ROBO2: variants seen among roughly 807,000 people sequenced by gnomAD.
The protein encoded by ROBO2 is roundabout guidance receptor 2, also known as roundabout homolog 2.
Under a neutral mutation model 160.8 loss-of-function variants are expected in ROBO2, and 53 were observed. The ratio of observed to expected loss-of-function variants is 0.33; its 90% CI spans 0.26 to 0.41. The LOEUF (loss-of-function observed/expected upper bound fraction) is 0.41. Among genes scored for constraint, ROBO2 ranks in the 10% least tolerant of loss-of-function variants. ROBO2 has a pLI of 1.00. For synonymous variants in ROBO2, 664 were observed against 611.7 expected (o/e 1.09, Z -1.26); for missense variants, 1,577 against 1,722.4 (o/e 0.92, Z 1.49).
chr3:76,592,933 A>G (rs1046971498), intron 2 of ROBO2, among the ~76,000 whole-genome samples: 2 of 152,104 alleles, frequency 1.3e-5, no homozygotes, highest in Admixed American at 6.5e-5. Context: ...TTTATTCAAT[A>G]GTGCCTTATG....
At chr3:76,089,113 C>T (rs569704608) in intron 2 of ROBO2, among the ~76,000 whole-genome samples, 1 of 152,074 alleles carries the variant, frequency 6.6e-6, no homozygotes, top group Non-Finnish European at 1.5e-5. Flanking sequence ...CCTTAAAAGA[C>T]ACAATCTGTC....
chr3:77,288,018 G>A (rs1298151057), intron 2 of ROBO2, among the ~76,000 whole-genome samples: 2 of 152,116 alleles, frequency 1.3e-5, no homozygotes, highest in Admixed American at 6.6e-5. Context: ...ATATTTCAGT[G>A]TACAGTAATT....
chr3:76,094,541 A>G (rs1255795653), intron 2 of ROBO2, among the ~76,000 whole-genome samples: 1 of 152,196 alleles, frequency 6.6e-6, no homozygotes, highest in African/African-American at 2.4e-5. Flanking sequence ...CACAAATAAA[A>G]TGTACTGCTC....
intron 17 of ROBO2, 58 bp from the exon 19 acceptor site, chr3:77,595,084 T>C (rs1334757527): frequency 1.4e-6 from 2 of 1,379,732 alleles, no homozygotes; most frequent in South Asian, 2.3e-5. Context: ...TTGTTATTAA[T>C]TGTAATTAAT....
At chr3:75,927,679 A>T (rs545393594) in intron 1 of ROBO2, among the ~76,000 whole-genome samples, 1 of 152,348 alleles carries the variant, frequency 6.6e-6, no homozygotes, top group East Asian at 1.9e-4. Flanking sequence ...ATTCATATTT[A>T]AAAAGTTTCT....
intron 2 of ROBO2, among the ~76,000 whole-genome samples, chr3:76,071,443 A>T (rs948647895): frequency 6.6e-6 from 1 of 152,314 alleles, no homozygotes; most frequent in African/African-American, 2.4e-5. Flanking sequence ...TATTAAGTAT[A>T]AAATGTTATG....
intron 2 of ROBO2, among the ~76,000 whole-genome samples, chr3:76,169,211 A>T (rs2072945862): frequency 6.6e-6 from 1 of 152,178 alleles, no homozygotes; most frequent in Non-Finnish European, 1.5e-5. Flanking sequence ...TGATGAGAAA[A>T]CTGTGGCTCA....
intron 1 of ROBO2, among the ~76,000 whole-genome samples, chr3:75,928,828 A>G (rs1257031379): frequency 6.8e-6 from 1 of 146,458 alleles, no homozygotes; most frequent in African/African-American, 2.5e-5. Flanking sequence ...CTTTCAATGT[A>G]CCTTCAAACA....
At chr3:77,168,180 C>A (rs1417303955) in intron 2 of ROBO2, among the ~76,000 whole-genome samples, 1 of 152,194 alleles carries the variant, frequency 6.6e-6, no homozygotes, top group Non-Finnish European at 1.5e-5. Context: ...AGACAATCAG[C>A]CTTCCAAGCA....
intron 2 of ROBO2, among the ~76,000 whole-genome samples, chr3:77,122,401 G>T (rs940731457): frequency 2.6e-5 from 4 of 152,150 alleles, no homozygotes; most frequent in Non-Finnish European, 5.9e-5. Flanking sequence ...TCAATTTGTG[G>T]TCATCCATGC....
At chr3:76,552,117 C>T (rs1037638202) in intron 2 of ROBO2, among the ~76,000 whole-genome samples, 2 of 152,198 alleles carry the variant, frequency 1.3e-5, no homozygotes, top group African/African-American at 4.8e-5. Context: ...ATTTCTTAGA[C>T]AGTATAACAA....
At chr3:77,302,065 A>G (rs1237737827) in intron 2 of ROBO2, among the ~76,000 whole-genome samples, 1 of 151,700 alleles carries the variant, frequency 6.6e-6, no homozygotes, top group Non-Finnish European at 1.5e-5. Context: ...ACCACACCTG[A>G]CTAACTAAAG....
At chr3:76,232,813 A>G (rs775709800) in intron 2 of ROBO2, among the ~76,000 whole-genome samples, 8 of 152,144 alleles carry the variant, frequency 5.3e-5, no homozygotes, top group South Asian at 4.2e-4. Flanking sequence ...TTTTATAACT[A>G]TTTCAAACCT....
chr3:76,211,176 G>C (rs1440441106), intron 2 of ROBO2, among the ~76,000 whole-genome samples: 1 of 152,058 alleles, frequency 6.6e-6, no homozygotes, highest in Non-Finnish European at 1.5e-5. Flanking sequence ...CGCTTCAGGA[G>C]CCATACTTAC....
chr3:77,040,549 G>T (rs2063984387), exon 1 of ROBO2: 3 of 1,399,600 alleles, frequency 2.1e-6, no homozygotes, highest in Non-Finnish European at 9.3e-7. Context: ...AAGCCAGAGT[G>T]CTGGAAATAC....
intron 2 of ROBO2, among the ~76,000 whole-genome samples, chr3:76,637,180 A>T (rs1351527339): frequency 6.6e-6 from 1 of 152,152 alleles, no homozygotes; most frequent in Admixed American, 6.5e-5. Flanking sequence ...CAACAGCAGC[A>T]GTGGCACAGG....
At chr3:76,834,066 CT>C (rs1364904269) in intron 2 of ROBO2, among the ~76,000 whole-genome samples, 4 of 74,654 alleles carry the variant, frequency 5.4e-5, no homozygotes, top group Non-Finnish European at 5.3e-5. Flanking sequence ...TCTTTCTTTT[CT>C]TTCTTTCTTT....
At chr3:76,257,936 C>T (rs1416561035) in intron 2 of ROBO2, among the ~76,000 whole-genome samples, 1 of 152,108 alleles carries the variant, frequency 6.6e-6, no homozygotes, top group African/African-American at 2.4e-5. Context: ...GGAAAACAGA[C>T]AAAAACGCTT....
chr3:77,392,859 C>T (rs909036316), intron 2 of ROBO2, among the ~76,000 whole-genome samples: 2 of 152,016 alleles, frequency 1.3e-5, no homozygotes, highest in Admixed American at 6.5e-5. Context: ...TGGTCTGTTC[C>T]GTGTTATACA....
Sources: allele counts gnomAD v4.1 joint callset (sites outside exome capture counted in the v4.1 genomes callset), GRCh38; gene constraint gnomAD v4.1.1; transcripts MANE v1.5; gene names NCBI Gene and HGNC (gene_info 2026-07-23, HGNC 2026-07-21).